The following CNTNAP2 variants were observed in gnomAD, a reference collection of about 807,000 sequenced individuals.
CNTNAP2 encodes the protein contactin-associated protein-like 2.
CNTNAP2 carries 98 observed loss-of-function variants against 155.2 expected under a neutral mutation model. That is an observed-to-expected ratio of 0.63 (90% confidence interval 0.54 to 0.75). CNTNAP2 has a LOEUF of 0.75. Among genes scored for constraint, CNTNAP2 ranks in the 30% least tolerant of loss-of-function variants. The pLI, the probability that CNTNAP2 is intolerant of heterozygous loss-of-function variation, is 0.00. For missense variants in CNTNAP2, 1,727 were observed against 1,688.1 expected, an observed-to-expected ratio of 1.02 and a Z score of -0.40; for synonymous variants, 651 against 631.2, an observed-to-expected ratio of 1.03 and a Z score of -0.47.
intron 3 of CNTNAP2, among the ~76,000 whole-genome samples, chr7:147,017,174 A>AT (rs568805379): frequency 6.6e-6 from 1 of 150,664 alleles, no homozygotes; most frequent in Admixed American, 6.6e-5. Flanking sequence ...GTCATATTTT[A>AT]TTTTTTTTCT....
At chr7:146,480,498 T>C (rs569499118) in intron 1 of CNTNAP2, among the ~76,000 whole-genome samples, 4 of 151,856 alleles carry the variant, frequency 2.6e-5, no homozygotes, top group South Asian at 4.2e-4. Flanking sequence ...GAACATAATA[T>C]TAATATTTTA....
At chr7:146,848,040 A>T (rs1794795488) in intron 3 of CNTNAP2, among the ~76,000 whole-genome samples, 1 of 152,186 alleles carries the variant, frequency 6.6e-6, no homozygotes, top group Non-Finnish European at 1.5e-5. Context: ...TAGGCTTATA[A>T]GTATTAACTA....
intron 21 of CNTNAP2, among the ~76,000 whole-genome samples, chr7:148,364,230 C>T (rs1798686235): frequency 6.6e-6 from 1 of 152,250 alleles, no homozygotes; most frequent in Non-Finnish European, 1.5e-5. Flanking sequence ...GCTCCACCTG[C>T]AGCCCCAGTG....
chr7:146,863,996 A>G (rs1795153892), intron 3 of CNTNAP2, among the ~76,000 whole-genome samples: 1 of 151,948 alleles, frequency 6.6e-6, no homozygotes, highest in Non-Finnish European at 1.5e-5. Flanking sequence ...TTTCTTCTTC[A>G]GTTTTATTTT....
chr7:146,273,692 A>G (rs1379938139), intron 1 of CNTNAP2, among the ~76,000 whole-genome samples: 2 of 152,102 alleles, frequency 1.3e-5, no homozygotes, highest in African/African-American at 2.4e-5. Flanking sequence ...TGGATCAAAG[A>G]GATTTTCTTC....
At chr7:147,775,252 TATTTATAA>T (rs1797545228) in intron 13 of CNTNAP2, among the ~76,000 whole-genome samples, 1 of 115,448 alleles carries the variant, frequency 8.7e-6, no homozygotes, top group Admixed American at 1.2e-4. Flanking sequence ...TTTATATATA[TATTTATAA>T]ATATATTTAT....
intron 15 of CNTNAP2, among the ~76,000 whole-genome samples, chr7:148,045,788 G>C (rs906301064): frequency 4.6e-5 from 7 of 152,132 alleles, no homozygotes; most frequent in African/African-American, 7.2e-5. Context: ...AGCGATACAA[G>C]GCCAGCCATA....
intron 2 of CNTNAP2, among the ~76,000 whole-genome samples, chr7:146,797,232 G>A (rs1245614217): frequency 6.6e-6 from 1 of 152,152 alleles, no homozygotes; most frequent in Admixed American, 6.5e-5. Context: ...GTTTTCTGTT[G>A]GGACTACTGA....
chr7:146,895,193 A>C (rs56963674), intron 3 of CNTNAP2, among the ~76,000 whole-genome samples: 57,838 of 148,088 alleles, frequency 0.39, 13,451 homozygotes, highest in East Asian at 0.66. Context: ...CTCCCTTCCT[A>C]CATCCTTCCC....
intron 2 of CNTNAP2, among the ~76,000 whole-genome samples, chr7:146,825,799 G>C (rs962281780): frequency 5.3e-5 from 8 of 151,984 alleles, no homozygotes; most frequent in Admixed American, 5.3e-4. Flanking sequence ...TCATTGTATA[G>C]ACAGTACATT....
chr7:147,659,015 C>G (rs1460838215), intron 13 of CNTNAP2, among the ~76,000 whole-genome samples: 1 of 152,144 alleles, frequency 6.6e-6, no homozygotes, highest in Admixed American at 6.5e-5. Flanking sequence ...CGATGTAAGA[C>G]AACAGAGATG....
intron 13 of CNTNAP2, among the ~76,000 whole-genome samples, chr7:147,663,951 G>A (rs753388612): frequency 2.0e-5 from 3 of 152,170 alleles, no homozygotes; most frequent in Non-Finnish European, 4.4e-5. Context: ...TGTACTTTGT[G>A]TAAGTCACTT....
chr7:146,588,597 C>A (rs934482461), intron 1 of CNTNAP2, among the ~76,000 whole-genome samples: 1 of 152,024 alleles, frequency 6.6e-6, no homozygotes, highest in African/African-American at 2.4e-5. Context: ...GTCTCGACCT[C>A]CCCAAGCTCA....
intron 4 of CNTNAP2, among the ~76,000 whole-genome samples, chr7:147,105,490 C>T (rs533078052): frequency 5.9e-5 from 9 of 151,958 alleles, no homozygotes; most frequent in Admixed American, 2.6e-4. Context: ...ATAAGCACAG[C>T]GCATTATTAG....
At chr7:147,284,575 A>AT (rs1258157949) in intron 8 of CNTNAP2, among the ~76,000 whole-genome samples, 4 of 151,934 alleles carry the variant, frequency 2.6e-5, no homozygotes, top group African/African-American at 9.7e-5. Flanking sequence ...ATTTTAAAAT[A>AT]TTTTTATTTT....
chr7:147,606,923 CACAGAGAATT>C (rs1292086992), intron 12 of CNTNAP2, among the ~76,000 whole-genome samples: 3 of 151,278 alleles, frequency 2.0e-5, no homozygotes, highest in African/African-American at 7.3e-5. Context: ...TGATAAGCCT[CACAGAGAATT>C]TTTTTTTTAA....
chr7:146,820,986 C>T (rs902125859), intron 2 of CNTNAP2, among the ~76,000 whole-genome samples: 91 of 152,182 alleles, frequency 6.0e-4, no homozygotes, highest in African/African-American at 2.0e-3. Flanking sequence ...AGGATTGCAA[C>T]CCCTGCCTTT....
intron 9 of CNTNAP2, among the ~76,000 whole-genome samples, chr7:147,322,937 T>C (rs1795380153): frequency 1.1e-5 from 1 of 89,548 alleles, no homozygotes; most frequent in Non-Finnish European, 2.0e-5. Context: ...TTTATCATTT[T>C]TTATTGTGTC....
At chr7:146,605,724 C>T (rs1799035607) in intron 1 of CNTNAP2, among the ~76,000 whole-genome samples, 1 of 152,130 alleles carries the variant, frequency 6.6e-6, no homozygotes, top group Admixed American at 6.5e-5. Context: ...AGATGTAACA[C>T]ATTTTAATTC....
Sources: allele counts gnomAD v4.1 joint callset (sites outside exome capture counted in the v4.1 genomes callset), GRCh38; gene constraint gnomAD v4.1.1; transcripts MANE v1.5; gene names NCBI Gene and HGNC (gene_info 2026-07-23, HGNC 2026-07-21).